Variants in TECPR2 observed in about 807,000 individuals in gnomAD.
The protein encoded by TECPR2 is tectonin beta-propeller repeat-containing protein 2.
TECPR2 carries 65 observed loss-of-function variants against 138.1 expected under a neutral mutation model. The observed-to-expected ratio is 0.47, with a 90% confidence interval of 0.39 to 0.58. The LOEUF is 0.58. Ranked by LOEUF, TECPR2 falls within the 20% of genes least tolerant of loss-of-function variation. The pLI, the probability that TECPR2 is intolerant of heterozygous loss-of-function variation, is 0.00. For synonymous variants in TECPR2, 746 were observed against 749.8 expected (o/e 0.99, Z 0.08); for missense variants, 1,553 against 1,824.5 (o/e 0.85, Z 2.71).
At position 102,451,993 on chromosome 14, in the gene TECPR2, G is replaced by A. The variant is rs28589811; in HGVS notation, c.3407-401G>A. Reference sequence around the variant, plus strand: ...ACTGCCAACCCTCCCTCCCTCCAGGGCACCGAGTTGATAGTCTTCTCCTCT... The same window carrying A: ...ACTGCCAACCCTCCCTCCCTCCAGGACACCGAGTTGATAGTCTTCTCCTCT... On this transcript the variant is annotated intron_variant, in intron 15 of 19. Transcript: ENST00000359520. Among the ~76,000 whole-genome samples the A allele has an allele frequency of 4.6e-3, 693 of 152,114 alleles. 8 individuals carry two copies. Among genetic ancestry groups the A allele is most frequent in the African/African-American group, 0.016 (656 of 41,502 alleles).
intron 4 of TECPR2, among the ~76,000 whole-genome samples, chr14:102,413,974 T>A (rs10438239): frequency 0.36 from 54,584 of 151,064 alleles, 10,070 homozygotes; most frequent in Middle Eastern, 0.5. Context: ...ATAAAAAAAA[T>A]TTTTTTGTAG....
Position 102,420,496 on chromosome 14 carries a change from A to G in TECPR2, c.639-4483A>G, listed in dbSNP as rs887723885. 1.3e-5 allele frequency among the ~76,000 whole-genome samples: 2 copies of G among 152,112 alleles called. No individual in the cohort carries two copies. The highest frequency in any genetic ancestry group is 2.9e-5 in the Non-Finnish European group (2 of 68,022). ...TCCGTTCTTTTTATTTTTTAGAGAC[A>G]GGGTCTTGCTGTGTCACCAAGGCTG... On this transcript the variant is annotated intron_variant, in intron 5 of 19. Transcript: ENST00000359520. The surrounding 1 kb of genome is among the most constrained non-coding windows in gnomAD (Gnocchi z 4.1).
rs1172585153 is a variant in TECPR2 at position 102,435,175 on chromosome 14, G to A, written c.2358G>A (p.Leu786=). The part of the protein sequence containing the change: ...PSCSQQDLSR[L]GAEDAGLLKP... ...GCTCCCAGCAGGACCTGAGCCGGCT[G>A]GGTGCAGAGGACGCCGGGCTGCTCA... The change falls in exon 9 of 20, where the codon CTG becomes CTA. Residue 786 remains leucine, a synonymous_variant. Coordinates refer to ENST00000359520, the MANE Select transcript of TECPR2 (RefSeq NM_014844.5). 5 of 1,612,556 alleles carry A rather than the reference G, an allele frequency of 3.1e-6. No individual in the cohort carries two copies. In the African/African-American group the frequency reaches 6.7e-5, roughly 22 times the overall value.
rs750922939 is a variant in TECPR2, at chr14:102,425,055, G to A, written c.715G>A (p.Gly239Arg). The change falls in exon 6 of 20, where the codon GGG becomes AGG. Residue 239 changes from glycine to arginine, a missense_variant. Coordinates refer to ENST00000359520, the MANE Select transcript of TECPR2 (RefSeq NM_014844.5). ...SDLTLYASRP[G>R]LRLWKADVHG... ...TCTAACCTTGTATGCGTCACGGCCCGGGCTCCGGCTATGGAAGGCTGATGT... is the reference window on the plus strand; with the variant it reads ...TCTAACCTTGTATGCGTCACGGCCCAGGCTCCGGCTATGGAAGGCTGATGT... The A allele has an allele frequency of 1.5e-5, 24 of 1,614,056 alleles. No individual in the cohort carries two copies. The East Asian group carries it at 2.2e-4, about 15-fold the overall frequency.
chr14:102,473,328 C>T (rs183506739), intron 17 of TECPR2, among the ~76,000 whole-genome samples: 1 of 152,306 alleles, frequency 6.6e-6, no homozygotes, highest in Admixed American at 6.5e-5. Context: ...TGCAAATGAG[C>T]CCAGGAGTGA....
At chr14:102,468,558 T>C (rs1041932725) in intron 17 of TECPR2, among the ~76,000 whole-genome samples, 4 of 152,236 alleles carry the variant, frequency 2.6e-5, no homozygotes, top group African/African-American at 7.2e-5. Flanking sequence ...GATTTACAAG[T>C]ATTTTCTTCC....
chr14:102,463,416 C>CAAAAA (rs550694466), intron 16 of TECPR2, among the ~76,000 whole-genome samples: 1 of 38,498 alleles, frequency 2.6e-5, no homozygotes, highest in Admixed American at 2.9e-4. Context: ...GACTCCGTCT[C>CAAAAA]AAAAAAAAAA....
intron 16 of TECPR2, among the ~76,000 whole-genome samples, chr14:102,454,257 C>G (rs775006938): frequency 3.9e-5 from 6 of 152,178 alleles, no homozygotes; most frequent in Non-Finnish European, 7.4e-5. Flanking sequence ...TGATGAGAGC[C>G]TCTTGCCATT....
At chr14:102,425,638 T>A (rs1889298010) in intron 6 of TECPR2, among the ~76,000 whole-genome samples, 1 of 149,604 alleles carries the variant, frequency 6.7e-6, no homozygotes, top group African/African-American at 2.5e-5. Flanking sequence ...TGCAGTGGCA[T>A]GATCTCGGCT....
chr14:102,435,775 C>T (rs1344953911), intron 9 of TECPR2, among the ~76,000 whole-genome samples: 2 of 152,214 alleles, frequency 1.3e-5, no homozygotes, highest in Non-Finnish European at 2.9e-5. Context: ...CTTTGTAGGT[C>T]CACCCAGCAC....
intron 17 of TECPR2, 166 bp from the exon 18 acceptor site, chr14:102,496,813 C>A: frequency 2.0e-6 from 2 of 991,046 alleles, no homozygotes; most frequent in Non-Finnish European, 1.5e-6. Context: ...TGACCATCTC[C>A]CCCGTGAGAC....
intron 2 of TECPR2, among the ~76,000 whole-genome samples, chr14:102,398,358 C>A (rs1888375756): frequency 6.6e-6 from 1 of 152,038 alleles, no homozygotes; most frequent in Non-Finnish European, 1.5e-5. Flanking sequence ...TAAGGGTCAT[C>A]ATCAAAGAGA....
At chr14:102,432,393 CT>C (rs1181019577) in intron 8 of TECPR2, among the ~76,000 whole-genome samples, 1 of 151,998 alleles carries the variant, frequency 6.6e-6, no homozygotes, top group Non-Finnish European at 1.5e-5. Flanking sequence ...CAGTTTTGTA[CT>C]TTTCAATATT....
intron 7 of TECPR2, among the ~76,000 whole-genome samples, chr14:102,431,025 T>C (rs868679327): frequency 6.2e-5 from 1 of 16,080 alleles, no homozygotes; most frequent in South Asian, 1.0e-3. Flanking sequence ...ATTTTTTTAC[T>C]TTTTTTTTTT....
intron 13 of TECPR2, 27 bp downstream of exon 13, chr14:102,445,974 C>G: frequency 6.3e-7 from 1 of 1,593,714 alleles, no homozygotes; most frequent in African/African-American, 1.3e-5. Flanking sequence ...GCGCCACGTG[C>G]CGAGGTCTCC....
intron 9 of TECPR2, among the ~76,000 whole-genome samples, chr14:102,436,190 C>T (rs958757129): frequency 1.3e-5 from 2 of 152,218 alleles, no homozygotes; most frequent in East Asian, 1.9e-4. Context: ...GGTCACATAG[C>T]AAATGAAGGG....
At chr14:102,425,883 GT>G (rs71470206) in intron 6 of TECPR2, among the ~76,000 whole-genome samples, 36 of 113,614 alleles carry the variant, frequency 3.2e-4, no homozygotes, top group East Asian at 5.4e-4. Flanking sequence ...TTTTTTTTTT[GT>G]TTTTTTTTTT....
In TECPR2 at chr14:102,434,828, G is replaced by A. The variant is rs1396808031; in HGVS notation, c.2011G>A (p.Glu671Lys). The change falls in exon 9 of 20, where the codon GAA (glutamate) becomes AAA (lysine). Residue 671 changes from glutamate (E) to lysine (K), a missense_variant. Coordinates refer to ENST00000359520, the MANE Select transcript of TECPR2 (RefSeq NM_014844.5). ...GTGGCTGCCTGGGACCAGAGCTGAT[G>A]AAGGCAGCCCCGTGGAGCCCAGCCA... Reference protein sequence around the residue: ...EQWLPGTRADEGSPVEPSQEQ... With the variant: ...EQWLPGTRADKGSPVEPSQEQ... The A allele has an allele frequency of 1.9e-6, 3 of 1,613,428 alleles. No homozygotes were observed. Among genetic ancestry groups the A allele is most frequent in the South Asian group, 1.1e-5 (1 of 91,090 alleles).
At chr14:102,380,674 G>T (rs1196079921) in intron 2 of TECPR2, among the ~76,000 whole-genome samples, 5 of 152,124 alleles carry the variant, frequency 3.3e-5, no homozygotes, top group Non-Finnish European at 7.4e-5. Context: ...CATTTTTTTG[G>T]TTTTTTGTTT....
Sources: allele counts gnomAD v4.1 joint callset (sites outside exome capture counted in the v4.1 genomes callset), GRCh38; gene constraint gnomAD v4.1.1; non-coding constraint Gnocchi (gnomAD v3.1); transcripts MANE v1.5; gene names NCBI Gene and HGNC (gene_info 2026-07-23, HGNC 2026-07-21).